Variants in ST6GALNAC3 observed in about 807,000 individuals in gnomAD.
ST6GALNAC3 encodes the protein ST6 N-acetylgalactosaminide alpha-2,6-sialyltransferase 3.
A neutral mutation model predicts 32.7 loss-of-function variants in ST6GALNAC3; 25 were observed. The observed-to-expected ratio is 0.76, with a 90% confidence interval of 0.56 to 1.07. ST6GALNAC3 has a LOEUF of 1.07. Ranked by LOEUF, ST6GALNAC3 falls within the 50% of genes least tolerant of loss-of-function variation. ST6GALNAC3 has a pLI of 0.00. For missense variants in ST6GALNAC3, 355 were observed against 382.4 expected, an observed-to-expected ratio of 0.93 and a Z score of 0.60; for synonymous variants, 129 against 133.1, an observed-to-expected ratio of 0.97 and a Z score of 0.21.
At chr1:76,465,990 G>T (rs1196988491) in intron 3 of ST6GALNAC3, among the ~76,000 whole-genome samples, 1 of 152,012 alleles carries the variant, frequency 6.6e-6, no homozygotes, top group East Asian at 1.9e-4. Flanking sequence ...TGAAAAATCA[G>T]CATTCTACAA....
At chr1:76,279,993 T>TTC (rs1659406974) in intron 1 of ST6GALNAC3, among the ~76,000 whole-genome samples, 1 of 5,394 alleles carries the variant, frequency 1.9e-4, no homozygotes, top group Non-Finnish European at 2.9e-4. Context: ...CTCTCTCCTG[T>TTC]CTTTTCTCTC....
At chr1:76,439,908 C>G (rs759638404) in intron 3 of ST6GALNAC3, among the ~76,000 whole-genome samples, 20 of 152,152 alleles carry the variant, frequency 1.3e-4, no homozygotes, top group Non-Finnish European at 2.5e-4. Flanking sequence ...CCTCACTTTT[C>G]TCTTTCATAA....
At chr1:76,252,773 A>T (rs181285803) in intron 1 of ST6GALNAC3, among the ~76,000 whole-genome samples, 3 of 152,280 alleles carry the variant, frequency 2.0e-5, no homozygotes, top group African/African-American at 7.2e-5. Flanking sequence ...TAATATTAAG[A>T]CATCTTGATT....
At chr1:76,151,474 A>G (rs1228200525) in intron 1 of ST6GALNAC3, among the ~76,000 whole-genome samples, 1 of 152,204 alleles carries the variant, frequency 6.6e-6, no homozygotes, top group Non-Finnish European at 1.5e-5. Flanking sequence ...GCAGGATTCC[A>G]GTGTACATAG....
chr1:76,419,045 GCACACACA>G (rs147952829), intron 3 of ST6GALNAC3, among the ~76,000 whole-genome samples: 2 of 148,870 alleles, frequency 1.3e-5, no homozygotes, highest in Non-Finnish European at 3.0e-5. Context: ...ACCCTCATGT[GCACACACA>G]CACACACACA....
chr1:76,494,658 C>CACAT (rs1258097381), intron 3 of ST6GALNAC3, among the ~76,000 whole-genome samples: 2 of 143,708 alleles, frequency 1.4e-5, no homozygotes, highest in African/African-American at 5.2e-5. Context: ...CGCACACACA[C>CACAT]ACACACACAC....
At chr1:76,485,086 T>G (rs1660017643) in intron 3 of ST6GALNAC3, among the ~76,000 whole-genome samples, 1 of 152,282 alleles carries the variant, frequency 6.6e-6, no homozygotes, top group South Asian at 2.1e-4. Context: ...TTGATCATGG[T>G]GGATAAGCTT....
At chr1:76,545,603 T>A (rs955775823) in intron 3 of ST6GALNAC3, among the ~76,000 whole-genome samples, 1 of 152,092 alleles carries the variant, frequency 6.6e-6, no homozygotes, top group Admixed American at 6.6e-5. Context: ...TGTCTATGCC[T>A]CACCTTATGT....
chr1:76,535,392 G>C (rs1663532519), intron 3 of ST6GALNAC3, among the ~76,000 whole-genome samples: 1 of 152,022 alleles, frequency 6.6e-6, no homozygotes, highest in Non-Finnish European at 1.5e-5. Context: ...TTCTTTGATG[G>C]GACAGTAATC....
chr1:76,176,648 A>T (rs536824782), intron 1 of ST6GALNAC3, among the ~76,000 whole-genome samples: 1 of 152,336 alleles, frequency 6.6e-6, no homozygotes, highest in African/African-American at 2.4e-5. Context: ...CCTAAACATA[A>T]TGTACAAGCT....
chr1:76,094,454 A>G (rs1647095754), intron 1 of ST6GALNAC3, among the ~76,000 whole-genome samples: 1 of 152,226 alleles, frequency 6.6e-6, no homozygotes, highest in Admixed American at 6.5e-5. Context: ...TTATTCTCCA[A>G]CACTCCTTTG....
intron 1 of ST6GALNAC3, among the ~76,000 whole-genome samples, chr1:76,225,161 T>C (rs889576012): frequency 1.3e-5 from 2 of 152,142 alleles, no homozygotes; most frequent in Non-Finnish European, 2.9e-5. Context: ...CAAAGTGTAT[T>C]TGATGCAACA....
intron 1 of ST6GALNAC3, among the ~76,000 whole-genome samples, chr1:76,276,534 T>C (rs2100770522): frequency 6.6e-6 from 1 of 152,244 alleles, no homozygotes; most frequent in Non-Finnish European, 1.5e-5. Context: ...TATTCCATTG[T>C]GTGATTAAGC....
Position 76,575,262 on chromosome 1 carries a change from A to T in ST6GALNAC3, c.624-52190A>T, listed in dbSNP as rs182874547. Among the ~76,000 whole-genome samples, 20 of 152,254 alleles carry T rather than the reference A, an allele frequency of 1.3e-4. No homozygotes were observed. The East Asian group carries it at 2.7e-3, about 21-fold the overall frequency. Reference sequence around the variant, plus strand: ...ACATACTAAGTTTCCTTCTAAAAATAAAACAACTGAGTTTTCCCTCCATCT... The same window carrying T: ...ACATACTAAGTTTCCTTCTAAAAATTAAACAACTGAGTTTTCCCTCCATCT... On this transcript the variant is annotated intron_variant, in intron 3 of 4. Transcript: ENST00000328299.
intron 1 of ST6GALNAC3, among the ~76,000 whole-genome samples, chr1:76,283,004 C>T (rs1659583546): frequency 6.6e-6 from 1 of 152,014 alleles, no homozygotes; most frequent in South Asian, 2.1e-4. Context: ...AAGATCACGC[C>T]ACTGCACTCC....
intron 2 of ST6GALNAC3, among the ~76,000 whole-genome samples, chr1:76,357,130 CTTTTT>C (rs55786044): frequency 2.7e-5 from 3 of 111,176 alleles, no homozygotes; most frequent in Non-Finnish European, 5.1e-5. Flanking sequence ...TTTTCTTTTT[CTTTTT>C]TTTTTTTTTT....
downstream of ST6GALNAC3, among the ~76,000 whole-genome samples, chr1:76,635,311 A>C (rs1187305396): frequency 6.6e-6 from 1 of 152,144 alleles, no homozygotes; most frequent in African/African-American, 2.4e-5. Context: ...TTATCTATCC[A>C]ACTCTATAAG....
At chr1:76,186,318 A>G (rs977478705) in intron 1 of ST6GALNAC3, among the ~76,000 whole-genome samples, 10 of 152,180 alleles carry the variant, frequency 6.6e-5, no homozygotes, top group African/African-American at 2.4e-4. Context: ...GAGCATATGG[A>G]ATGTCCATGG....
rs1443251585 is a variant in ST6GALNAC3, at chr1:76,393,225, C to A, written c.214-18783C>A. On this transcript the variant is annotated intron_variant, in intron 2 of 4. Coordinates refer to ENST00000328299, the MANE Select transcript of ST6GALNAC3 (RefSeq NM_152996.4). ...GCTATGTTTAAGCAGTGATTTGGAA[C>A]TGTCTTACTGTCACTCAGAGAAGAC... Among the ~76,000 whole-genome samples the A allele has an allele frequency of 2.6e-5, 4 of 152,198 alleles. No individual in the cohort carries two copies. In the East Asian group the frequency reaches 5.8e-4, roughly 22 times the overall value.
Sources: gnomAD v4.1 joint callset for allele counts (sites outside exome capture counted in the v4.1 genomes callset) on GRCh38, gnomAD v4.1.1 for gene constraint, MANE v1.5 for transcripts, NCBI Gene and HGNC (gene_info 2026-07-23, HGNC 2026-07-21) for gene names.